RGPD1: variants seen among roughly 807,000 people sequenced by gnomAD.
The protein encoded by RGPD1 is RANBP2-like and GRIP domain-containing protein 1.
In RGPD1, 7 loss-of-function variants were observed where a neutral mutation model predicts 40.6. The ratio of observed to expected loss-of-function variants is 0.17; its 90% CI spans 0.10 to 0.32. The LOEUF (loss-of-function observed/expected upper bound fraction) is 0.32, where lower values mean the gene tolerates loss of function less well. Among genes scored for constraint, RGPD1 ranks in the 10% least tolerant of loss-of-function variants. The probability of loss-of-function intolerance (pLI) is 1.00; values close to 1 mark genes in which losing one functional copy is unlikely to be tolerated. For missense variants in RGPD1, 50 were observed against 472.5 expected (o/e 0.11, Z 8.29); for synonymous variants, 24 against 167.0 (o/e 0.14, Z 6.60).
chr2:86,914,681 G>GGGCGGCGGCGGCGGCGGCGGCGGC (rs1217785583), intron 1 of RGPD1, among the ~76,000 whole-genome samples: 1 of 1,670 alleles, frequency 6.0e-4, no homozygotes, highest in Non-Finnish European at 1.6e-3. Context: ...CGACCTGGCC[G>GGGCGGCGGCGGCGGCGGCGGCGGC]GGCGGCGGCG....
At chr2:86,960,563 G>C (rs1479944541) in intron 6 of RGPD1, among the ~76,000 whole-genome samples, 1 of 125,012 alleles carries the variant, frequency 8.0e-6, no homozygotes, top group Admixed American at 7.4e-5. Context: ...TAGAAACAGG[G>C]TTTCATCATG....
chr2:86,942,347 C>T (rs1312975279), intron 1 of RGPD1, 39 bp downstream of exon 1: 20 of 927,672 alleles, frequency 2.2e-5, no homozygotes, highest in Non-Finnish European at 2.4e-5. Context: ...CTCGACCTGG[C>T]CGGGCGGCGG....
chr2:86,933,174 G>C (rs1465745150), intron 1 of RGPD1, among the ~76,000 whole-genome samples: 1 of 150,126 alleles, frequency 6.7e-6, no homozygotes, highest in Admixed American at 6.7e-5. Flanking sequence ...TATGTTGTAA[G>C]AACTTTTGGA....
At chr2:86,945,331 G>C (rs1215140763) in intron 1 of RGPD1, among the ~76,000 whole-genome samples, 1 of 152,074 alleles carries the variant, frequency 6.6e-6, no homozygotes, top group East Asian at 1.9e-4. Flanking sequence ...TGGAACATGT[G>C]AAGCTATTCT....
intron 1 of RGPD1, among the ~76,000 whole-genome samples, chr2:86,918,692 C>A (rs1677915519): frequency 6.8e-6 from 1 of 146,282 alleles, no homozygotes; most frequent in Non-Finnish European, 1.5e-5. Context: ...ATCTCCTGAC[C>A]TCGTGATCTG....
chr2:86,942,967 G>A (rs955205856), intron 1 of RGPD1, among the ~76,000 whole-genome samples: 2 of 152,050 alleles, frequency 1.3e-5, no homozygotes, highest in East Asian at 1.9e-4. Flanking sequence ...GTACCCGCGC[G>A]GCCTAGTTCT....
chr2:86,944,907 C>T lies in RGPD1; in HGVS notation c.72+2599C>T, dbSNP rs944453180. 1.1e-4 allele frequency among the ~76,000 whole-genome samples: 17 copies of T among 151,830 alleles called. No homozygotes were observed. In the South Asian group the frequency reaches 1.7e-3, roughly 15 times the overall value. ...CCGGCTTTTTTCTTTAATGTAGAGA[C>T]GGGGTCTTACCATGTTACCCAGGCT... is the stretch of plus-strand genomic sequence containing the variant. On this transcript the variant is annotated intron_variant, in intron 1 of 22. Coordinates refer to ENST00000641458, the MANE Select transcript of RGPD1 (RefSeq NM_001382344.1).
At chr2:86,942,521 G>A (rs1220191395) in intron 1 of RGPD1, among the ~76,000 whole-genome samples, 2 of 133,874 alleles carry the variant, frequency 1.5e-5, no homozygotes, top group African/African-American at 5.3e-5. Context: ...GGGCGGCGGC[G>A]GCGGCCTCGA....
chr2:86,936,800 A>C (rs1293099125), intron 1 of RGPD1, among the ~76,000 whole-genome samples: 2 of 132,280 alleles, frequency 1.5e-5, no homozygotes, highest in Admixed American at 7.2e-5. Flanking sequence ...CTAGGCATTA[A>C]GTTATAATTG....
intron 1 of RGPD1, among the ~76,000 whole-genome samples, chr2:86,931,378 A>C (rs1678949348): frequency 6.7e-6 from 1 of 150,314 alleles, no homozygotes; most frequent in African/African-American, 2.5e-5. Context: ...TTCCTAATCT[A>C]TGTTCTGGTT....
rs149973466 is a variant in RGPD1, at chr2:86,930,667, C to A, written c.72+16746C>A. 128 of 1,610,118 alleles carry A rather than the reference C, an allele frequency of 7.9e-5. 3 individuals carry two copies. In the East Asian group the frequency reaches 2.5e-3, roughly 31 times the overall value. On this transcript the variant is annotated intron_variant, in intron 1 of 22. Coordinates refer to the RGPD1 transcript ENST00000398193. ...CAGAGGTAGGGCTGGTTGTTCACTC[C>A]TGGGCACAGCTCTCGAAGCTGCTGT...
At chr2:86,941,870 C>G (rs1233755688), upstream of RGPD1, among the ~76,000 whole-genome samples, 1 of 151,644 alleles carries the variant, frequency 6.6e-6, no homozygotes, top group Non-Finnish European at 1.5e-5. Flanking sequence ...ACCTCCACGC[C>G]CGGGTAATTT....
chr2:86,923,377 T>G (rs1053326086), intron 1 of RGPD1, among the ~76,000 whole-genome samples: 7 of 151,650 alleles, frequency 4.6e-5, no homozygotes, highest in African/African-American at 1.5e-4. Context: ...AATATGTTTT[T>G]TTAAATTGTG....
intron 1 of RGPD1, among the ~76,000 whole-genome samples, chr2:86,934,984 C>CA (rs1452264159): frequency 1.5e-5 from 2 of 131,824 alleles, no homozygotes; most frequent in Admixed American, 1.5e-4. Context: ...ACTACGGGCG[C>CA]ACACCACCAC....
At chr2:86,924,408 A>G (rs10167801) in intron 1 of RGPD1, among the ~76,000 whole-genome samples, 46,803 of 139,680 alleles carry the variant, frequency 0.34, 6,938 homozygotes, top group East Asian at 0.4. Flanking sequence ...GCCCATGTTG[A>G]CCTCCCAAAG....
chr2:86,936,755 C>T (rs1434141988), intron 1 of RGPD1, among the ~76,000 whole-genome samples: 1 of 116,850 alleles, frequency 8.6e-6, no homozygotes, highest in African/African-American at 4.1e-5. Flanking sequence ...CGAAGTGCTG[C>T]GATTACAGGC....
intron 1 of RGPD1, among the ~76,000 whole-genome samples, chr2:86,914,304 C>CGGCGGCGGG (rs1677635522): frequency 3.3e-5 from 2 of 61,084 alleles, no homozygotes; most frequent in Non-Finnish European, 6.2e-5. Context: ...GCGGCGGCGG[C>CGGCGGCGGG]GGCGGCGGCG....
intron 1 of RGPD1, among the ~76,000 whole-genome samples, chr2:86,915,438 C>T (rs911802678): frequency 7.5e-6 from 1 of 133,016 alleles, no homozygotes; most frequent in African/African-American, 2.9e-5. Context: ...AGGCCAGGTA[C>T]CTAGAAGTAT....
intron 4 of RGPD1, among the ~76,000 whole-genome samples, 187 bp from the exon 5 acceptor site, chr2:86,957,516 TACA>T (rs1395634327): frequency 6.6e-6 from 1 of 152,310 alleles, no homozygotes; most frequent in Non-Finnish European, 1.5e-5. Flanking sequence ...TTTCTTCACA[TACA>T]GTTCTTGAGG....
Sources: gnomAD v4.1 joint callset for allele counts (sites outside exome capture counted in the v4.1 genomes callset) on GRCh38, gnomAD v4.1.1 for gene constraint, MANE v1.5 for transcripts, NCBI Gene and HGNC (gene_info 2026-07-23, HGNC 2026-07-21) for gene names.